C2orf74: variants seen among roughly 807,000 people sequenced by gnomAD.
C2orf74 encodes uncharacterized protein C2orf74.
Under a neutral mutation model 17.9 loss-of-function variants are expected in C2orf74, and 14 were observed. That is an observed-to-expected ratio of 0.78 (90% CI 0.52 to 1.22). The LOEUF (loss-of-function observed/expected upper bound fraction) is 1.22, where lower values mean the gene tolerates loss of function less well. C2orf74 is among the 50% of genes most tolerant of loss of function. The probability of loss-of-function intolerance (pLI) is 0.00; values close to 1 mark genes in which losing one functional copy is unlikely to be tolerated. For missense variants in C2orf74, 217 were observed against 218.4 expected, an observed-to-expected ratio of 0.99 and a Z score of 0.04; for synonymous variants, 79 against 72.6, an observed-to-expected ratio of 1.09 and a Z score of -0.44.
At chr2:61,159,681 G>C (rs1319542884), upstream of C2orf74, among the ~76,000 whole-genome samples, 2 of 152,224 alleles carry the variant, frequency 1.3e-5, no homozygotes, top group African/African-American at 2.4e-5. Flanking sequence ...GAAACAAATT[G>C]AACAAAGGGT....
At chr2:61,162,346 G>A (rs1685586130) in intron 1 of C2orf74, 26 bp downstream of exon 1, 1 of 616,746 alleles carries the variant, frequency 1.6e-6, no homozygotes, top group Non-Finnish European at 2.9e-6. Flanking sequence ...AACAAGCAGA[G>A]CATCTTTCAT....
rs1363124048 is a variant in C2orf74, at chr2:61,154,512, G to C, written c.-121-8330G>C. 3.3e-5 allele frequency among the ~76,000 whole-genome samples: 5 copies of C among 152,110 alleles called. No individual in the cohort carries two copies. The East Asian group carries it at 9.6e-4, about 29-fold the overall frequency. Reference sequence around the variant, plus strand: ...AGTTAATAATAATTTATCAGTATTGGTTCATAAATCATAACAAATAGATCA... The same window carrying C: ...AGTTAATAATAATTTATCAGTATTGCTTCATAAATCATAACAAATAGATCA... On this transcript the variant is annotated intron_variant, in intron 1 of 3. Transcript: ENST00000426997.
In C2orf74 at chr2:61,163,185, A is replaced by T; in HGVS notation, c.343A>T (p.Asn115Tyr). 6.4e-7 allele frequency: 1 copy of T among 1,552,406 alleles called. No homozygotes were observed. The highest frequency in any genetic ancestry group is 8.7e-7 in the Non-Finnish European group (1 of 1,147,122). Residue 115 changes from asparagine to tyrosine, a missense_variant, in exon 4 of 5, where the codon AAT becomes TAT. Coordinates refer to ENST00000432605, the MANE Select transcript of C2orf74 (RefSeq NM_001143959.4). ...DMEAEEENQINEKQEPENAGE... is the reference protein window; with the variant it reads ...DMEAEEENQIYEKQEPENAGE... Reference sequence around the variant, plus strand: ...GGAGGCAGAAGAGGAGAACCAAATAAATGAGAAGCAAGAGCCTGAGAATGC... The same window carrying T: ...GGAGGCAGAAGAGGAGAACCAAATATATGAGAAGCAAGAGCCTGAGAATGC...
Position 61,162,860 on chromosome 2 carries a change from T to C in C2orf74, c.114T>C (p.Gly38=). 6.4e-7 allele frequency: 1 copy of C among 1,551,686 alleles called. No homozygotes were observed. Among genetic ancestry groups the C allele is most frequent in the Non-Finnish European group, 8.7e-7 (1 of 1,146,872 alleles). Residue 38 remains glycine, a synonymous_variant, in exon 3 of 5, where the codon GGT becomes GGC. Coordinates refer to ENST00000432605, the MANE Select transcript of C2orf74 (RefSeq NM_001143959.4). The part of the protein sequence containing the change: ...FLYKCFQGRK[G]KETKKVPCTD... ...TTTTCAGTTTCCAAGGCAGGAAAGG[T>C]AAAGAGACAAAGAAAGTGCCTTGTA...
rs544639107 is a variant in C2orf74 at position 61,163,714 on chromosome 2, G to C, written c.390+482G>C. Among the ~76,000 whole-genome samples, 111 of 152,170 alleles carry C rather than the reference G, an allele frequency of 7.3e-4. 1 individual carries two copies. Among genetic ancestry groups the C allele is most frequent in the African/African-American group, 2.5e-3 (103 of 41,470 alleles). ...GCCCACAGTCATTTAAGCCATTCTGGTTGCTTATCAGTTCGTGTTACTAAA... is the reference window on the plus strand; with the variant it reads ...GCCCACAGTCATTTAAGCCATTCTGCTTGCTTATCAGTTCGTGTTACTAAA... On this transcript the variant is annotated intron_variant, in intron 4 of 4. Transcript: ENST00000432605.
Position 61,147,548 on chromosome 2 carries a change from A to G in C2orf74, c.-122+2352A>G, listed in dbSNP as rs557756353. On this transcript the variant is annotated intron_variant, in intron 1 of 3. Coordinates refer to the C2orf74 transcript ENST00000426997. ...TTTTTTGTCAATCCTGTGGTATAAA[A>G]TATTACCTGATTTTGTTTTCACTTT... Among the ~76,000 whole-genome samples the G allele has an allele frequency of 9.9e-5, 15 of 152,236 alleles. No individual in the cohort carries two copies. The East Asian group carries it at 1.2e-3, about 12-fold the overall frequency.
intron 1 of C2orf74, among the ~76,000 whole-genome samples, chr2:61,149,411 T>C (rs1473066039): frequency 6.6e-6 from 1 of 152,040 alleles, no homozygotes; most frequent in African/African-American, 2.4e-5. Flanking sequence ...AAAGTGCAAC[T>C]TCAAGGTTTA....
intron 2 of C2orf74, 31 bp downstream of exon 2, chr2:61,162,640 A>C (rs1490313260): frequency 1.5e-6 from 2 of 1,350,804 alleles, no homozygotes; most frequent in Non-Finnish European, 2.1e-6. Context: ...TTGGGATCAG[A>C]TTTCAAGTCA....
rs79028198 is a variant in C2orf74, at chr2:61,146,239, A to G, written c.-122+1043A>G. 7.7e-4 allele frequency among the ~76,000 whole-genome samples: 117 copies of G among 152,312 alleles called. 1 individual carries two copies. In the East Asian group the frequency reaches 0.021, roughly 27 times the overall value. On this transcript the variant is annotated intron_variant, in intron 1 of 3. Transcript: ENST00000426997. ...TCAGTTCCCAACATACTAATGTGGA[A>G]CCATCTCTAGCATATCTTACTAAGC...
chr2:61,146,059 C>T (rs1685060390), intron 1 of C2orf74, among the ~76,000 whole-genome samples: 1 of 152,196 alleles, frequency 6.6e-6, no homozygotes, highest in Non-Finnish European at 1.5e-5. Context: ...CCTCCAAATA[C>T]ACTTGCATAC....
At chr2:61,158,913 T>A (rs1685477286), upstream of C2orf74, among the ~76,000 whole-genome samples, 2 of 152,222 alleles carry the variant, frequency 1.3e-5, no homozygotes, top group Admixed American at 1.3e-4. Flanking sequence ...TTGGGCTGAT[T>A]TCAAAAGGAA....
chr2:61,148,253 C>G (rs1685128601), intron 1 of C2orf74, among the ~76,000 whole-genome samples: 1 of 151,288 alleles, frequency 6.6e-6, no homozygotes, highest in Non-Finnish European at 1.5e-5. Flanking sequence ...ATGGTGCCAT[C>G]TCGGCTTACT....
upstream of C2orf74, among the ~76,000 whole-genome samples, chr2:61,160,854 G>A (rs982406462): frequency 5.9e-5 from 9 of 152,186 alleles, no homozygotes; most frequent in African/African-American, 2.2e-4. Context: ...GGTATTTTGA[G>A]TAATTCTGCC....
At position 61,163,210 on chromosome 2, in the gene C2orf74, C is replaced by T; in HGVS notation, c.368C>T (p.Ala123Val). 1 of 1,551,534 alleles carries T rather than the reference C, an allele frequency of 6.4e-7. No homozygotes were observed. Among genetic ancestry groups the T allele is most frequent in the Non-Finnish European group, 8.7e-7 (1 of 1,146,890 alleles). The part of the protein sequence containing the change: ...QINEKQEPEN[A>V]GETGQEEDDG... ...AATGAGAAGCAAGAGCCTGAGAATG[C>T]TGGAGAAACTGGTCAAGAAGAGGTG... is the stretch of plus-strand genomic sequence containing the variant. The change falls in exon 4 of 5, where the codon GCT becomes GTT. Residue 123 changes from alanine (A) to valine (V), a missense_variant. Physicochemically the swap from Ala to Val is moderately conservative, Grantham distance 64. Transcript: ENST00000432605.
At chr2:61,164,235 T>C (rs1311433678) in intron 4 of C2orf74, 119 bp from the exon 5 acceptor site, 1 of 790,770 alleles carries the variant, frequency 1.3e-6, no homozygotes, top group African/African-American at 1.8e-5. Context: ...TACTTTCCTA[T>C]ATCATTTAGA....
intron 1 of C2orf74, among the ~76,000 whole-genome samples, chr2:61,154,917 T>C (rs1165688186): frequency 1.3e-5 from 2 of 151,436 alleles, no homozygotes; most frequent in African/African-American, 4.9e-5. Flanking sequence ...ATACAAAAAT[T>C]AGCTGGGTGT....
At chr2:61,147,647 C>A (rs1685109248) in intron 1 of C2orf74, among the ~76,000 whole-genome samples, 1 of 152,166 alleles carries the variant, frequency 6.6e-6, no homozygotes, top group South Asian at 2.1e-4. Flanking sequence ...TTGAGAAGTA[C>A]CTTTTTTCTA....
chr2:61,147,520 CTTTT>C (rs1005230927), intron 1 of C2orf74, among the ~76,000 whole-genome samples: 1 of 151,970 alleles, frequency 6.6e-6, no homozygotes, highest in Non-Finnish European at 1.5e-5. Flanking sequence ...TGACAGACTA[CTTTT>C]TTTTGTCAAT....
Position 61,162,875 on chromosome 2 carries a change from A to G in C2orf74, c.129A>G (p.Lys43=). 1.3e-6 allele frequency: 2 copies of G among 1,552,492 alleles called. No homozygotes were observed. Among genetic ancestry groups the G allele is most frequent in the East Asian group, 2.4e-5 (1 of 41,066 alleles). The change falls in exon 3 of 5, where the codon AAA becomes AAG. Residue 43 remains lysine, a synonymous_variant. Coordinates refer to ENST00000432605, the MANE Select transcript of C2orf74 (RefSeq NM_001143959.4). The part of the protein sequence containing the change: ...FQGRKGKETK[K]VPCTDANGGV... ...GCAGGAAAGGTAAAGAGACAAAGAA[A>G]GTGCCTTGTACAGATGCAAACGGAG...
Sources: allele counts gnomAD v4.1 joint callset (sites outside exome capture counted in the v4.1 genomes callset), GRCh38; gene constraint gnomAD v4.1.1; transcripts MANE v1.5; gene names NCBI Gene and HGNC (gene_info 2026-07-23, HGNC 2026-07-21).